The following RAPGEF4 variants were observed in gnomAD, a reference collection of about 807,000 sequenced individuals.
The protein encoded by RAPGEF4 is RAP guanine-nucleotide-exchange factor (GEF) 4.
A neutral mutation model predicts 147.9 loss-of-function variants in RAPGEF4; 66 were observed. The observed-to-expected ratio is 0.45, with a 90% CI of 0.37 to 0.55. The LOEUF is 0.55. Among genes scored for constraint, RAPGEF4 ranks in the 20% least tolerant of loss-of-function variants. RAPGEF4 has a pLI of 0.00. For synonymous variants in RAPGEF4, 419 were observed against 442.7 expected (o/e 0.95, Z 0.67); for missense variants, 1,071 against 1,257.3 (o/e 0.85, Z 2.24).
intron 3 of RAPGEF4, among the ~76,000 whole-genome samples, chr2:172,810,170 C>A (rs886949181): frequency 2.6e-5 from 4 of 152,186 alleles, no homozygotes; most frequent in Non-Finnish European, 5.9e-5. Flanking sequence ...TTTCTGATCT[C>A]AGCTCTTCTA....
At chr2:173,002,010 A>AAAAAAAAAAAAAAAAAAAAAAC in intron 17 of RAPGEF4, among the ~76,000 whole-genome samples, 2 of 150,954 alleles carry the variant, frequency 1.3e-5, no homozygotes, top group African/African-American at 2.4e-5. Context: ...AAAAAAAAAA[A>AAAAAAAAAAAAAAAAAAAAAAC]AAAAATCCAT....
intron 4 of RAPGEF4, among the ~76,000 whole-genome samples, chr2:172,843,430 A>G (rs1691836053): frequency 6.6e-6 from 1 of 152,260 alleles, no homozygotes; most frequent in South Asian, 2.1e-4. Context: ...AGTTCTGAAC[A>G]GATAAAGGAC....
chr2:172,914,655 A>G (rs1287932865), intron 4 of RAPGEF4, among the ~76,000 whole-genome samples: 3 of 147,030 alleles, frequency 2.0e-5, no homozygotes, highest in Non-Finnish European at 4.6e-5. Flanking sequence ...AAAGAAAGAA[A>G]GAGGGAGAAA....
chr2:173,006,279 A>C (rs980810899), intron 17 of RAPGEF4, among the ~76,000 whole-genome samples: 60 of 152,196 alleles, frequency 3.9e-4, no homozygotes, highest in African/African-American at 1.2e-3. Context: ...CTCTGCCAAT[A>C]GATTATCTTT....
Position 172,988,246 on chromosome 2 carries a change from TC to T in RAPGEF4, c.1202del (p.Ser401Ter). ...GTSWYIILKG[S>X]VNVVIYGKGV... ...CTCCTGGTACATTATTCTAAAAGGA[TC>T]AGTGAATGTAGTCATTTACGGCAAG... On this transcript the variant is annotated frameshift_variant, in exon 13 of 31. Coordinates refer to ENST00000397081, the MANE Select transcript of RAPGEF4 (RefSeq NM_007023.4). LOFTEE classifies it high-confidence loss of function. 6.2e-7 allele frequency: 1 copy of T among 1,612,060 alleles called. No individual in the cohort carries two copies. Among genetic ancestry groups the T allele is most frequent in the Non-Finnish European group, 8.5e-7 (1 of 1,179,564 alleles).
chr2:172,773,102 A>T (rs571052086), intron 1 of RAPGEF4, among the ~76,000 whole-genome samples: 2 of 152,312 alleles, frequency 1.3e-5, no homozygotes, highest in Non-Finnish European at 2.9e-5. Flanking sequence ...TTTAAAGATG[A>T]TTCCTGTTGG....
At chr2:172,787,599 C>CTTGCTTTATTTATTTA (rs377379539) in intron 1 of RAPGEF4, among the ~76,000 whole-genome samples, 1 of 145,384 alleles carries the variant, frequency 6.9e-6, no homozygotes, top group Non-Finnish European at 1.5e-5. Context: ...AAACAAAGTG[C>CTTGCTTTATTTATTTA]TTTATTTATT....
intron 4 of RAPGEF4, among the ~76,000 whole-genome samples, chr2:172,830,489 C>T (rs1269754955): frequency 6.6e-6 from 1 of 152,190 alleles, no homozygotes; most frequent in African/African-American, 2.4e-5. Flanking sequence ...CATATCTCCC[C>T]AAAACTGTCC....
chr2:172,938,814 A>G (rs1017830125), intron 6 of RAPGEF4, among the ~76,000 whole-genome samples: 1 of 152,206 alleles, frequency 6.6e-6, no homozygotes, highest in Non-Finnish European at 1.5e-5. Flanking sequence ...TGCCCTAAGC[A>G]ATTCCCTGTG....
In RAPGEF4 at chr2:172,988,065, T is replaced by A. The variant is rs1692456821; in HGVS notation, c.1151-131T>A. 3 of 1,330,308 alleles carry A rather than the reference T, an allele frequency of 2.3e-6. No homozygotes were observed. The African/African-American group carries it at 4.5e-5, about 20-fold the overall frequency. The allele number at this position is 1,330,308 out of a possible 1,614,324, so 82.4% of individuals were successfully genotyped here. On this transcript the variant is annotated intron_variant, in intron 12 of 30. Transcript: ENST00000397081. ...ATGTGCCACCTGAACAAGTTAATATTTGCCAGTGATGTTTCTCGAATTTTA... is the reference window on the plus strand; with the variant it reads ...ATGTGCCACCTGAACAAGTTAATATATGCCAGTGATGTTTCTCGAATTTTA...
intron 9 of RAPGEF4, 141 bp downstream of exon 9, chr2:172,965,824 C>A: frequency 1.9e-6 from 2 of 1,041,718 alleles, no homozygotes; most frequent in Non-Finnish European, 2.8e-6. Context: ...CTTCATTTAG[C>A]AATACAAATG....
At chr2:172,798,222 C>A (rs1227290144) in intron 3 of RAPGEF4, among the ~76,000 whole-genome samples, 1 of 151,834 alleles carries the variant, frequency 6.6e-6, no homozygotes, top group Non-Finnish European at 1.5e-5. Context: ...GAAACTCATT[C>A]TTTTTCTGTT....
At chr2:172,964,910 A>G (rs998975544) in intron 8 of RAPGEF4, among the ~76,000 whole-genome samples, 4 of 152,156 alleles carry the variant, frequency 2.6e-5, no homozygotes, top group Admixed American at 2.6e-4. Context: ...CTTGGGGACT[A>G]ATGTGTGAAT....
chr2:172,948,212 AT>A (rs1240200170), intron 6 of RAPGEF4, among the ~76,000 whole-genome samples: 1 of 152,072 alleles, frequency 6.6e-6, no homozygotes, highest in Non-Finnish European at 1.5e-5. Context: ...ATTTTAGTAT[AT>A]GTCTTTTAGT....
intron 6 of RAPGEF4, among the ~76,000 whole-genome samples, chr2:172,932,439 A>G (rs1439751417): frequency 6.6e-6 from 1 of 152,238 alleles, no homozygotes; most frequent in Non-Finnish European, 1.5e-5. Flanking sequence ...TGGAATGCAT[A>G]CAGTGTATTA....
rs183422228 is a variant in RAPGEF4, at chr2:173,029,943, T to C, written c.2559-221T>C. On this transcript the variant is annotated intron_variant, in intron 25 of 30. Transcript: ENST00000397081. ...TAAGTTCCTTCTCAGATCCCAAACC[T>C]CAATGGCTAACGTCTTCAACTTTCT... Among the ~76,000 whole-genome samples, 196 of 152,352 alleles carry C rather than the reference T, an allele frequency of 1.3e-3. 1 individual carries two copies. The highest frequency in any genetic ancestry group is 4.3e-3 in the African/African-American group (177 of 41,582).
chr2:172,792,195 G>C (rs1042529478), intron 1 of RAPGEF4, among the ~76,000 whole-genome samples: 1 of 152,202 alleles, frequency 6.6e-6, no homozygotes, highest in East Asian at 1.9e-4. Flanking sequence ...CCCAGTAGGG[G>C]CGCCTCTGCC....
chr2:172,761,461 A>C (rs906740230), intron 1 of RAPGEF4, among the ~76,000 whole-genome samples: 2 of 152,096 alleles, frequency 1.3e-5, no homozygotes, highest in African/African-American at 4.8e-5. Flanking sequence ...ACATTTTTCA[A>C]ATGTGGGAAA....
intron 1 of RAPGEF4, among the ~76,000 whole-genome samples, chr2:172,777,361 A>T (rs2149501053): frequency 6.6e-6 from 1 of 152,108 alleles, no homozygotes; most frequent in East Asian, 1.9e-4. Flanking sequence ...TACAATAGTT[A>T]TTTAAAAAAA....
Sources: allele counts gnomAD v4.1 joint callset (sites outside exome capture counted in the v4.1 genomes callset), GRCh38; gene constraint gnomAD v4.1.1; transcripts MANE v1.5; gene names NCBI Gene and HGNC (gene_info 2026-07-23, HGNC 2026-07-21).